Variants in SMAD2 observed in about 807,000 individuals in gnomAD.
SMAD2 encodes the protein SMAD family member 2.
SMAD2 carries 8 observed loss-of-function variants against 64.4 expected under a neutral mutation model. The observed-to-expected ratio is 0.12, with a 90% CI of 0.07 to 0.22. SMAD2 has a LOEUF of 0.22. Among genes scored for constraint, SMAD2 ranks in the 10% least tolerant of loss-of-function variants. The pLI is 1.00. For missense variants in SMAD2, 289 were observed against 561.2 expected (o/e 0.51, Z 4.90); for synonymous variants, 203 against 195.8 (o/e 1.04, Z -0.31).
intron 1 of SMAD2, among the ~76,000 whole-genome samples, chr18:47,922,867 T>A (rs1486022787): frequency 6.6e-6 from 1 of 152,218 alleles, no homozygotes; most frequent in African/African-American, 2.4e-5. Context: ...CACTGCCAAC[T>A]GGAAACCTAG....
At chr18:47,876,911 G>T (rs1225126457) in intron 2 of SMAD2, among the ~76,000 whole-genome samples, 1 of 151,976 alleles carries the variant, frequency 6.6e-6, no homozygotes, top group East Asian at 1.9e-4. Context: ...TAAGGATATA[G>T]ATATTTATTC....
At chr18:47,886,690 T>G (rs781634723) in intron 2 of SMAD2, 3 of 152,528 alleles carry the variant, frequency 2.0e-5, no homozygotes, top group Non-Finnish European at 4.4e-5. Flanking sequence ...CCTTATATAT[T>G]TCAGTTCTAA....
chr18:47,867,529 G>A (rs2031649533), intron 5 of SMAD2, among the ~76,000 whole-genome samples: 1 of 151,458 alleles, frequency 6.6e-6, no homozygotes, highest in Admixed American at 6.6e-5. Context: ...TATTACAAAA[G>A]GAAGAAAGAA....
chr18:47,853,451 G>C lies in SMAD2; in HGVS notation c.731-2124C>G, dbSNP rs1310809961. 9.4e-6 allele frequency: 2 copies of C among 213,632 alleles called. 1 individual carries two copies. The highest frequency in any genetic ancestry group is 1.8e-5 in the Non-Finnish European group (2 of 113,620). 13.2% of individuals were successfully genotyped at this position (213,632 alleles called of 1,614,324 possible). On this transcript the variant is annotated intron_variant, in intron 6 of 10. Transcript: ENST00000262160. ...CGCAGGTCGCCTCGCTTGAATCCAG[G>C]AGGCGGAGGTTGCAGTGAGCTGAGG...
chr18:47,874,442 T>C lies in SMAD2; in HGVS notation c.237-3878A>G, dbSNP rs1354308044. 2.0e-5 allele frequency among the ~76,000 whole-genome samples: 3 copies of C among 152,170 alleles called. No homozygotes were observed. In the South Asian group the frequency reaches 6.2e-4, roughly 31 times the overall value. On this transcript the variant is annotated intron_variant, in intron 2 of 10. Transcript: ENST00000262160. Reference sequence around the variant, plus strand: ...GAGTATGAAAGAACTTTCTGGATGATTGAAATTTCTTTATCTTAAAACACT... The same window carrying C: ...GAGTATGAAAGAACTTTCTGGATGACTGAAATTTCTTTATCTTAAAACACT...
chr18:47,841,686 G>A lies in SMAD2; in HGVS notation c.*141C>T. 1.2e-6 allele frequency: 1 copy of A among 826,504 alleles called. No individual in the cohort carries two copies. Among genetic ancestry groups the A allele is most frequent in the Non-Finnish European group, 2.0e-6 (1 of 495,588 alleles). 51.2% of individuals were successfully genotyped at this position (826,504 alleles called of 1,614,324 possible). A position where few individuals can be genotyped will look rare whatever the true frequency, so the allele number is the denominator to read the frequency against. On this transcript the variant is annotated 3_prime_UTR_variant, in exon 11 of 11. Coordinates refer to ENST00000262160, the MANE Select transcript of SMAD2 (RefSeq NM_005901.6). The stretch of plus-strand genomic sequence containing the variant: ...CAAATATAGGAAACAGATTCCACAA[G>A]GTGCTTTAATTGATGAGACCTCAAG...
At chr18:47,869,219 G>C in intron 4 of SMAD2, 24 bp downstream of exon 4, 1 of 1,585,368 alleles carries the variant, frequency 6.3e-7, no homozygotes, top group Non-Finnish European at 8.7e-7. Context: ...TCAAAACCAA[G>C]AAAAAAACTT....
chr18:47,877,676 C>T (rs1401441056), intron 2 of SMAD2, among the ~76,000 whole-genome samples: 2 of 152,018 alleles, frequency 1.3e-5, no homozygotes, highest in Non-Finnish European at 2.9e-5. Flanking sequence ...CTTTTATTTG[C>T]CTCAGAATCC....
Position 47,818,741 on chromosome 18 carries a change from A to C in SMAD2, c.*23086T>G, listed in dbSNP as rs931706243. 6.6e-6 allele frequency: 1 copy of C among 152,194 alleles called. No individual in the cohort carries two copies. The highest frequency in any genetic ancestry group is 2.4e-5 in the African/African-American group (1 of 41,454). The allele number at this position is 152,194 out of a possible 1,614,324, so 9.4% of individuals were successfully genotyped here. ...ACTCATTTGAAACTGAAAAAAGGGA[A>C]AAAAGGGGTTGGGGAGGTGGGGTAA... is the stretch of plus-strand genomic sequence containing the variant. On this transcript the variant is annotated 3_prime_UTR_variant, in exon 11 of 11. Transcript: ENST00000262160.
In SMAD2 at chr18:47,811,406, C is replaced by T. The variant is rs1039677150; in HGVS notation, c.*30421G>A. The T allele has an allele frequency of 8.4e-5, 12 of 142,294 alleles. No homozygotes were observed. The highest frequency in any genetic ancestry group is 2.9e-4 in the African/African-American group (11 of 38,508). The allele number at this position is 142,294 out of a possible 1,614,324, so 8.8% of individuals were successfully genotyped here. A position where few individuals can be genotyped will look rare whatever the true frequency, so the allele number is the denominator to read the frequency against. The stretch of plus-strand genomic sequence containing the variant: ...AATGGTGTGAACCCAGGAGGCGGAG[C>T]TTGCAGTGAGCTGAGATTGTGCCAC... On this transcript the variant is annotated 3_prime_UTR_variant, in exon 11 of 11. Coordinates refer to ENST00000262160, the MANE Select transcript of SMAD2 (RefSeq NM_005901.6).
rs559063679 is a variant in SMAD2, at chr18:47,847,501, C to T, written c.997+974G>A. Among the ~76,000 whole-genome samples, 21 of 151,766 alleles carry T rather than the reference C, an allele frequency of 1.4e-4. No homozygotes were observed. In the South Asian group the frequency reaches 4.4e-3, roughly 32 times the overall value. On this transcript the variant is annotated intron_variant, in intron 8 of 10. Transcript: ENST00000262160. Reference sequence around the variant, plus strand: ...AGGAAATACTGAGGACCCCAAAGAGCTTTTGTTTATGTGAATATTATGGAA... The same window carrying T: ...AGGAAATACTGAGGACCCCAAAGAGTTTTTGTTTATGTGAATATTATGGAA...
chr18:47,872,475 C>T (rs1046962088), intron 2 of SMAD2, among the ~76,000 whole-genome samples: 1 of 152,040 alleles, frequency 6.6e-6, no homozygotes, highest in African/African-American at 2.4e-5. Flanking sequence ...CAACTATTTA[C>T]ACAGCATTTA....
At position 47,835,032 on chromosome 18, in the gene SMAD2, G is replaced by A; in HGVS notation, c.*6795C>T. The stretch of plus-strand genomic sequence containing the variant: ...CTCAGATATGAACATTTTTTATTCT[G>A]CCTACAATGCTGTGATCTAGTTCAA... On this transcript the variant is annotated 3_prime_UTR_variant, in exon 11 of 11. Coordinates refer to ENST00000262160, the MANE Select transcript of SMAD2 (RefSeq NM_005901.6). 1 of 220,494 alleles carries A rather than the reference G, an allele frequency of 4.5e-6. No homozygotes were observed. The highest frequency in any genetic ancestry group is 6.6e-5 in the East Asian group (1 of 15,134). 13.7% of individuals were successfully genotyped at this position (220,494 alleles called of 1,614,324 possible). A position where few individuals can be genotyped will look rare whatever the true frequency, so the allele number is the denominator to read the frequency against.
chr18:47,833,886 T>C lies in SMAD2; in HGVS notation c.*7941A>G, dbSNP rs149712371. The C allele has an allele frequency of 4.4e-6, 1 of 227,992 alleles. No homozygotes were observed. The allele number at this position is 227,992 out of a possible 1,614,324, so 14.1% of individuals were successfully genotyped here. On this transcript the variant is annotated 3_prime_UTR_variant, in exon 11 of 11. Transcript: ENST00000262160. ...TTCCTTTTACTATGAAAAATGTAAATTTCAGATTAAGTTTAACCCCATAAG... is the reference window on the plus strand; with the variant it reads ...TTCCTTTTACTATGAAAAATGTAAACTTCAGATTAAGTTTAACCCCATAAG...
At chr18:47,877,914 A>G (rs1021743462) in intron 2 of SMAD2, among the ~76,000 whole-genome samples, 1 of 152,244 alleles carries the variant, frequency 6.6e-6, no homozygotes, top group African/African-American at 2.4e-5. Context: ...ACATTCCTTC[A>G]TAATTAAGGC....
At chr18:47,847,296 T>C (rs1224857909) in intron 8 of SMAD2, among the ~76,000 whole-genome samples, 4 of 152,186 alleles carry the variant, frequency 2.6e-5, no homozygotes, top group African/African-American at 7.2e-5. Flanking sequence ...ATAGATCTTC[T>C]AGTCACTATC....
chr18:47,877,577 AT>A (rs1363232708), intron 2 of SMAD2, among the ~76,000 whole-genome samples: 1 of 152,182 alleles, frequency 6.6e-6, no homozygotes, highest in Non-Finnish European at 1.5e-5. Flanking sequence ...TCAATTACAA[AT>A]GTTTAAATGT....
intron 6 of SMAD2, among the ~76,000 whole-genome samples, chr18:47,856,274 C>T (rs2030672823): frequency 6.6e-6 from 1 of 151,884 alleles, no homozygotes; most frequent in South Asian, 2.1e-4. Flanking sequence ...ATCTAATGTA[C>T]AACCTGAGGA....
rs1403649792 is a variant in SMAD2, at chr18:47,811,909, G to A, written c.*29918C>T. On this transcript the variant is annotated 3_prime_UTR_variant, in exon 11 of 11. Transcript: ENST00000262160. ...CTGGAAATGTTGAAGCAGACACAAA[G>A]ATGTAGCATATATAAAAAGGAAATG... 2 of 152,190 alleles carry A rather than the reference G, an allele frequency of 1.3e-5. No individual in the cohort carries two copies. The highest frequency in any genetic ancestry group is 2.9e-5 in the Non-Finnish European group (2 of 68,050). 9.4% of individuals were successfully genotyped at this position (152,190 alleles called of 1,614,324 possible). A position where few individuals can be genotyped will look rare whatever the true frequency, so the allele number is the denominator to read the frequency against.
Sources: gnomAD v4.1 joint callset for allele counts (sites outside exome capture counted in the v4.1 genomes callset) on GRCh38, gnomAD v4.1.1 for gene constraint, MANE v1.5 for transcripts, NCBI Gene and HGNC (gene_info 2026-07-23, HGNC 2026-07-21) for gene names.